PTPRU: variants seen among roughly 807,000 people sequenced by gnomAD.
PTPRU encodes the protein receptor-type tyrosine-protein phosphatase U.
A neutral mutation model predicts 166.3 loss-of-function variants in PTPRU; 69 were observed. That is an observed-to-expected ratio of 0.41 (90% CI 0.34 to 0.51). The LOEUF is 0.51. Among genes scored for constraint, PTPRU ranks in the 20% least tolerant of loss-of-function variants. PTPRU has a pLI of 0.09. For missense variants in PTPRU, 1,657 were observed against 2,013.7 expected, an observed-to-expected ratio of 0.82 and a Z score of 3.39; for synonymous variants, 793 against 814.0, an observed-to-expected ratio of 0.97 and a Z score of 0.44.
rs992163972 is a variant in PTPRU, at chr1:29,236,819, C to T, written c.73+102C>T. On this transcript the variant is annotated intron_variant, in intron 1 of 29. Transcript: ENST00000373779. The surrounding 1 kb of genome is among the most constrained non-coding windows in gnomAD (Gnocchi z 4.6). The stretch of plus-strand genomic sequence containing the variant: ...GTGTTGAGTGACCGGGCGTTACGAG[C>T]GTGCTCCCTGTGTGTGTCTGAGCGT... 8.9e-7 allele frequency: 1 copy of T among 1,121,526 alleles called. No homozygotes were observed. 69.5% of individuals were successfully genotyped at this position (1,121,526 alleles called of 1,614,324 possible). A position where few individuals can be genotyped will look rare whatever the true frequency, so the allele number is the denominator to read the frequency against.
intron 14 of PTPRU, among the ~76,000 whole-genome samples, chr1:29,287,600 T>G (rs1255567106): frequency 6.6e-6 from 1 of 151,192 alleles, no homozygotes; most frequent in East Asian, 1.9e-4. Context: ...TATGTTTTTT[T>G]TTTTTTTTTT....
At chr1:29,303,693 A>C (rs943967166) in intron 15 of PTPRU, among the ~76,000 whole-genome samples, 162 bp from the exon 16 acceptor site, 3 of 152,160 alleles carry the variant, frequency 2.0e-5, no homozygotes, top group African/African-American at 7.2e-5. Flanking sequence ...TGTGTTCAGG[A>C]CCACACAGGG....
At position 29,320,653 on chromosome 1, in the gene PTPRU, C is replaced by T. The variant is rs1688113138; in HGVS notation, c.3688-32C>T. On this transcript the variant is annotated intron_variant, in intron 25 of 29. Coordinates refer to ENST00000373779, the MANE Select transcript of PTPRU (RefSeq NM_133178.4). This position sits in a 1 kb window ranked among gnomAD's most constrained non-coding sequence, Gnocchi z 5.2. ...CTCAGCCCAGGCCAGGGGCCGGGAA[C>T]AGGGCCCTGCTGAGTTCCGGTTTCC... 1 of 1,535,606 alleles carries T rather than the reference C, an allele frequency of 6.5e-7. No homozygotes were observed. The highest frequency in any genetic ancestry group is 8.8e-7 in the Non-Finnish European group (1 of 1,131,406).
chr1:29,268,538 G>T lies in PTPRU; in HGVS notation c.1145-6910G>T, dbSNP rs1182941942. The stretch of plus-strand genomic sequence containing the variant: ...GCTGAGGTTGAGAATCCCCGATTCA[G>T]TCCTTAGATTTTTAGGGAATAAATG... On this transcript the variant is annotated intron_variant, in intron 7 of 29. Coordinates refer to ENST00000373779, the MANE Select transcript of PTPRU (RefSeq NM_133178.4). Among the ~76,000 whole-genome samples, 4 of 152,234 alleles carry T rather than the reference G, an allele frequency of 2.6e-5. No individual in the cohort carries two copies. The East Asian group carries it at 7.7e-4, about 29-fold the overall frequency.
At chr1:29,299,090 ACTGAGGGAGGG>A (rs1687026613) in intron 15 of PTPRU, among the ~76,000 whole-genome samples, 1 of 152,228 alleles carries the variant, frequency 6.6e-6, no homozygotes, top group African/African-American at 2.4e-5. Context: ...AAGTGCCACC[ACTGAGGGAGGG>A]CTGAGGATTT....
chr1:29,279,591 G>C lies in PTPRU; in HGVS notation c.1699G>C (p.Val567Leu). The change falls in exon 10 of 30, where the codon GTG (valine) becomes CTG (leucine). Residue 567 changes from valine to leucine, a missense_variant. Coordinates refer to ENST00000373779, the MANE Select transcript of PTPRU (RefSeq NM_133178.4). This position sits in a 1 kb window ranked among gnomAD's most constrained non-coding sequence, Gnocchi z 5.2. ...LHPGTTYLFS[V>L]RARTGKGFGQ... Reference sequence around the variant, plus strand: ...CCCAGGCACCACCTACCTGTTCTCCGTGCGGGCCCGCACAGGCAAAGGCTT... The same window carrying C: ...CCCAGGCACCACCTACCTGTTCTCCCTGCGGGCCCGCACAGGCAAAGGCTT... 6.8e-6 allele frequency: 11 copies of C among 1,614,016 alleles called. No individual in the cohort carries two copies. Among genetic ancestry groups the C allele is most frequent in the Non-Finnish European group, 9.3e-6 (11 of 1,180,040 alleles).
At chr1:29,299,229 C>A (rs538336131) in intron 15 of PTPRU, among the ~76,000 whole-genome samples, 13 of 152,314 alleles carry the variant, frequency 8.5e-5, no homozygotes, top group Admixed American at 3.9e-4. Context: ...CAGCCCTCCC[C>A]ATAAAGCATC....
Position 29,279,974 on chromosome 1 carries a change from C to A in PTPRU, c.1766-65C>A. 1 of 1,488,648 alleles carries A rather than the reference C, an allele frequency of 6.7e-7. No homozygotes were observed. The highest frequency in any genetic ancestry group is 9.3e-7 in the Non-Finnish European group (1 of 1,072,896). 92.2% of individuals were successfully genotyped at this position (1,488,648 alleles called of 1,614,324 possible). A position where few individuals can be genotyped will look rare whatever the true frequency, so the allele number is the denominator to read the frequency against. ...GATCTGAGGACTGTGGTCAAGGAGG[C>A]TGGAAGCCTGGTCTTCCTGGTCCAG... On this transcript the variant is annotated intron_variant, in intron 10 of 29. Coordinates refer to ENST00000373779, the MANE Select transcript of PTPRU (RefSeq NM_133178.4). This position sits in a 1 kb window ranked among gnomAD's most constrained non-coding sequence, Gnocchi z 5.2.
At chr1:29,314,494 A>G (rs1687808320) in intron 22 of PTPRU, among the ~76,000 whole-genome samples, 1 of 152,198 alleles carries the variant, frequency 6.6e-6, no homozygotes, top group Non-Finnish European at 1.5e-5. Context: ...CGTGAGGACA[A>G]TGATCTTGAT....
At position 29,284,786 on chromosome 1, in the gene PTPRU, G is replaced by A; in HGVS notation, c.2235G>A (p.Met745Ile). The A allele has an allele frequency of 3.7e-6, 6 of 1,614,080 alleles. No homozygotes were observed. Among genetic ancestry groups the A allele is most frequent in the Non-Finnish European group, 4.2e-6 (5 of 1,179,980 alleles). ...AGGTGTCCCAGAGATCGGAGGAGAT[G>A]GGGCTTATCCTGGGCATCTGTGCAG... is the stretch of plus-strand genomic sequence containing the variant. ...PLEVSQRSEE[M>I]GLILGICAGG... The change falls in exon 14 of 30, where the codon ATG becomes ATA. Residue 745 changes from methionine (M) to isoleucine (I), a missense_variant. Transcript: ENST00000373779.
rs750516439 is a variant in PTPRU, at chr1:29,255,369, C to T, written c.168C>T (p.Ile56=). The T allele has an allele frequency of 1.2e-6, 2 of 1,614,164 alleles. No individual in the cohort carries two copies. The highest frequency in any genetic ancestry group is 2.2e-5 in the South Asian group (2 of 91,076). The part of the protein sequence containing the change: ...YDDFQWEQVR[I]HPGTRAPADL... ...ACTTCCAGTGGGAGCAAGTGCGAAT[C>T]CACCCTGGCACCCGGGCACCTGCGG... Residue 56 remains isoleucine, a synonymous_variant, in exon 2 of 30, where the codon ATC becomes ATT. Coordinates refer to ENST00000373779, the MANE Select transcript of PTPRU (RefSeq NM_133178.4).
In PTPRU at chr1:29,259,327, C is replaced by T. The variant is rs531528981; in HGVS notation, c.544C>T (p.Leu182Phe). ...GYMGLDDILLLSYPCAKAPHF... is the reference protein window; with the variant it reads ...GYMGLDDILLFSYPCAKAPHF... ...CATGGGCCTAGATGACATCCTGCTTCTCAGCTACCCCTGCGGTGAGTCCCA... is the reference window on the plus strand; with the variant it reads ...CATGGGCCTAGATGACATCCTGCTTTTCAGCTACCCCTGCGGTGAGTCCCA... The change falls in exon 4 of 30, where the codon CTC becomes TTC. Residue 182 changes from leucine (L) to phenylalanine (F), a missense_variant. Transcript: ENST00000373779. The T allele has an allele frequency of 9.8e-5, 158 of 1,614,082 alleles. No individual in the cohort carries two copies. In the South Asian group the frequency reaches 1.6e-3, roughly 16 times the overall value.
At chr1:29,261,669 A>C (rs574344593) in intron 7 of PTPRU, among the ~76,000 whole-genome samples, 25 of 152,164 alleles carry the variant, frequency 1.6e-4, no homozygotes, top group South Asian at 1.5e-3. Flanking sequence ...AGTAGCTGGG[A>C]TTACAGGCAT....
At chr1:29,308,958 G>A (rs560063904) in intron 18 of PTPRU, among the ~76,000 whole-genome samples, 54 of 152,310 alleles carry the variant, frequency 3.5e-4, no homozygotes, top group Admixed American at 2.5e-3. Context: ...GAGCACTGGA[G>A]GTCGAGGCTG....
At chr1:29,240,514 C>T (rs1460724858) in intron 1 of PTPRU, among the ~76,000 whole-genome samples, 1 of 152,102 alleles carries the variant, frequency 6.6e-6, no homozygotes, top group African/African-American at 2.4e-5. Context: ...GGTTTCCCTC[C>T]AGGAATCTGG....
chr1:29,265,614 C>T (rs755773749), intron 7 of PTPRU, among the ~76,000 whole-genome samples: 36 of 152,126 alleles, frequency 2.4e-4, no homozygotes, highest in Non-Finnish European at 5.9e-5. Context: ...CTGCCCGCCT[C>T]AGCCTCCCAA....
At chr1:29,259,596 G>C in intron 5 of PTPRU, 32 bp downstream of exon 5, 1 of 1,500,678 alleles carries the variant, frequency 6.7e-7, no homozygotes, top group Non-Finnish European at 9.0e-7. Flanking sequence ...GGCTGGGGGC[G>C]GGGTGGGAGG....
chr1:29,239,522 C>T lies in PTPRU; in HGVS notation c.73+2805C>T, dbSNP rs568794988. Among the ~76,000 whole-genome samples the T allele has an allele frequency of 1.5e-3, 226 of 152,264 alleles. 1 individual carries two copies. Among genetic ancestry groups the T allele is most frequent in the Non-Finnish European group, 2.5e-3 (172 of 68,020 alleles). ...TGGGGACGCTGAGCTCCTGGACAGC[C>T]TGCTGCCCAGCTCTGGTGTCAGAAA... On this transcript the variant is annotated intron_variant, in intron 1 of 29. Transcript: ENST00000373779.
intron 12 of PTPRU, 26 bp downstream of exon 12, chr1:29,282,975 G>A (rs780803681): frequency 3.1e-6 from 5 of 1,592,138 alleles, no homozygotes; most frequent in Non-Finnish European, 4.3e-6. Flanking sequence ...GGGTCATGGT[G>A]GGCGTGGTTG....
Sources: allele counts gnomAD v4.1 joint callset (sites outside exome capture counted in the v4.1 genomes callset), GRCh38; gene constraint gnomAD v4.1.1; non-coding constraint Gnocchi (gnomAD v3.1); transcripts MANE v1.5; gene names NCBI Gene and HGNC (gene_info 2026-07-23, HGNC 2026-07-21).